Variants in ATXN1 observed in about 807,000 individuals in gnomAD.
ATXN1 encodes ataxin-1.
A neutral mutation model predicts 56.4 loss-of-function variants in ATXN1; 8 were observed. The ratio of observed to expected loss-of-function variants is 0.14; its 90% CI spans 0.08 to 0.26. The LOEUF (loss-of-function observed/expected upper bound fraction) is 0.26, where lower values mean the gene tolerates loss of function less well. Among genes scored for constraint, ATXN1 ranks in the 10% least tolerant of loss-of-function variants. The probability of loss-of-function intolerance (pLI) is 1.00; values close to 1 mark genes in which losing one functional copy is unlikely to be tolerated. For missense variants in ATXN1, 987 were observed against 1,106.5 expected, an observed-to-expected ratio of 0.89 and a Z score of 1.53; for synonymous variants, 514 against 494.6, an observed-to-expected ratio of 1.04 and a Z score of -0.52.
chr6:16,374,138 C>CAAAAAAA (rs376857810), intron 6 of ATXN1, among the ~76,000 whole-genome samples: 9 of 85,396 alleles, frequency 1.1e-4, no homozygotes, highest in East Asian at 2.8e-4. Context: ...AGGATATGAG[C>CAAAAAAA]AAAAAAAAAA....
intron 6 of ATXN1, among the ~76,000 whole-genome samples, chr6:16,362,597 G>C (rs1001855240): frequency 6.6e-6 from 1 of 152,194 alleles, no homozygotes; most frequent in Non-Finnish European, 1.5e-5. Flanking sequence ...AGCAGCACCA[G>C]GAAGCTGCTA....
chr6:16,499,455 C>G (rs1760837554), intron 5 of ATXN1, among the ~76,000 whole-genome samples: 1 of 152,168 alleles, frequency 6.6e-6, no homozygotes, highest in Admixed American at 6.5e-5. Context: ...AATGATGACC[C>G]ACCAGAGCCA....
At chr6:16,447,836 G>T (rs186362735) in intron 6 of ATXN1, among the ~76,000 whole-genome samples, 2 of 152,070 alleles carry the variant, frequency 1.3e-5, no homozygotes, top group East Asian at 3.8e-4. Flanking sequence ...TTCTACCAAC[G>T]GGCTTCAGAG....
intron 6 of ATXN1, among the ~76,000 whole-genome samples, chr6:16,473,663 T>C (rs1004552165): frequency 6.6e-6 from 1 of 152,012 alleles, no homozygotes; most frequent in Non-Finnish European, 1.5e-5. Flanking sequence ...GACATTGGAG[T>C]CTGGCAGGAT....
chr6:16,395,720 T>A (rs1256203107), intron 6 of ATXN1, among the ~76,000 whole-genome samples: 42 of 152,242 alleles, frequency 2.8e-4, no homozygotes, highest in Admixed American at 2.7e-3. Flanking sequence ...TTTCTACCTA[T>A]AAGAAATTAA....
At chr6:16,558,591 T>C (rs1296370835) in intron 4 of ATXN1, among the ~76,000 whole-genome samples, 3 of 152,100 alleles carry the variant, frequency 2.0e-5, no homozygotes, top group Non-Finnish European at 4.4e-5. Context: ...GACTGGTCTC[T>C]AACTCCTGGC....
chr6:16,455,517 C>G (rs939359712), intron 6 of ATXN1, among the ~76,000 whole-genome samples: 1 of 152,168 alleles, frequency 6.6e-6, no homozygotes, highest in African/African-American at 2.4e-5. Context: ...CAGTTTCCTA[C>G]AAAGCTAAAC....
At chr6:16,462,781 G>A (rs1016221896) in intron 6 of ATXN1, among the ~76,000 whole-genome samples, 1 of 152,042 alleles carries the variant, frequency 6.6e-6, no homozygotes, top group African/African-American at 2.4e-5. Context: ...TATCCCATCA[G>A]TGTAATTACA....
intron 4 of ATXN1, among the ~76,000 whole-genome samples, chr6:16,553,106 T>G (rs1761952279): frequency 6.6e-6 from 1 of 152,220 alleles, no homozygotes; most frequent in Non-Finnish European, 1.5e-5. Context: ...GTGGCTACCC[T>G]GCCATGGCCC....
intron 5 of ATXN1, among the ~76,000 whole-genome samples, chr6:16,518,071 G>A (rs890483816): frequency 5.3e-5 from 8 of 152,218 alleles, no homozygotes; most frequent in Admixed American, 4.6e-4. Context: ...TCTAATAGAG[G>A]AGACTAACAA....
intron 6 of ATXN1, among the ~76,000 whole-genome samples, chr6:16,392,875 C>G (rs1758383906): frequency 6.6e-6 from 1 of 152,184 alleles, no homozygotes; most frequent in Non-Finnish European, 1.5e-5. Context: ...TCATGATCAC[C>G]TGTAAACTTG....
At chr6:16,571,835 AT>A (rs1561760424) in intron 4 of ATXN1, among the ~76,000 whole-genome samples, 1 of 151,802 alleles carries the variant, frequency 6.6e-6, no homozygotes, top group Admixed American at 6.6e-5. Flanking sequence ...TAAGTTTTAA[AT>A]TTTTTTTGTA....
At chr6:16,731,973 A>G (rs1297727795) in intron 2 of ATXN1, among the ~76,000 whole-genome samples, 2 of 152,186 alleles carry the variant, frequency 1.3e-5, no homozygotes, top group Non-Finnish European at 1.5e-5. Context: ...GTCACAGAAA[A>G]GTACTTTAGA....
intron 2 of ATXN1, among the ~76,000 whole-genome samples, chr6:16,729,568 A>C (rs538421411): frequency 6.6e-6 from 1 of 152,176 alleles, no homozygotes; most frequent in African/African-American, 2.4e-5. Flanking sequence ...TGCAACTTAA[A>C]TGAGGCAATA....
intron 4 of ATXN1, among the ~76,000 whole-genome samples, chr6:16,549,756 G>T (rs1761881874): frequency 6.6e-6 from 1 of 152,018 alleles, no homozygotes; most frequent in African/African-American, 2.4e-5. Context: ...AATTAGCAGG[G>T]CATGGAGGTG....
chr6:16,332,505 C>T (rs1260625697), intron 6 of ATXN1, among the ~76,000 whole-genome samples: 1 of 152,178 alleles, frequency 6.6e-6, no homozygotes, highest in Non-Finnish European at 1.5e-5. Context: ...GAATTGCCCT[C>T]CCAGGGGACC....
intron 5 of ATXN1, among the ~76,000 whole-genome samples, chr6:16,505,672 C>A (rs1039942523): frequency 6.6e-6 from 1 of 152,246 alleles, no homozygotes; most frequent in Non-Finnish European, 1.5e-5. Context: ...ACTTAAATTT[C>A]CGGAAATATT....
chr6:16,323,944 A>T (rs980990579), intron 7 of ATXN1, among the ~76,000 whole-genome samples: 5 of 151,478 alleles, frequency 3.3e-5, no homozygotes, highest in African/African-American at 4.9e-5. Context: ...TTTTTTTTTT[A>T]AATAAGATCT....
chr6:16,443,588 A>T (rs1233425583), intron 6 of ATXN1, among the ~76,000 whole-genome samples: 2 of 151,948 alleles, frequency 1.3e-5, no homozygotes, highest in East Asian at 1.9e-4. Flanking sequence ...CAATCAAAAT[A>T]AAAAAAACCT....
Sources: gnomAD v4.1 joint callset for allele counts (sites outside exome capture counted in the v4.1 genomes callset) on GRCh38, gnomAD v4.1.1 for gene constraint, MANE v1.5 for transcripts, NCBI Gene and HGNC (gene_info 2026-07-23, HGNC 2026-07-21) for gene names.